Variants in IGF2BP2 observed in about 807,000 individuals in gnomAD.
IGF2BP2 encodes the protein insulin-like growth factor 2 mRNA-binding protein 2.
In IGF2BP2, 17 loss-of-function variants were observed where a neutral mutation model predicts 75.8. The observed-to-expected ratio is 0.22, with a 90% CI of 0.15 to 0.34. IGF2BP2 has a LOEUF of 0.34. Among genes scored for constraint, IGF2BP2 ranks in the 10% least tolerant of loss-of-function variants. The pLI, the probability that IGF2BP2 is intolerant of heterozygous loss-of-function variation, is 1.00. For missense variants in IGF2BP2, 516 were observed against 772.4 expected (o/e 0.67, Z 3.93); for synonymous variants, 288 against 295.6 (o/e 0.97, Z 0.26).
chr3:185,791,750 C>T (rs1184066856), intron 2 of IGF2BP2, among the ~76,000 whole-genome samples: 2 of 152,246 alleles, frequency 1.3e-5, no homozygotes, highest in African/African-American at 4.8e-5. Flanking sequence ...TAACCAGCCA[C>T]TGACTGCTTA....
chr3:185,764,948 G>A (rs1287508401), intron 2 of IGF2BP2, among the ~76,000 whole-genome samples: 1 of 152,020 alleles, frequency 6.6e-6, no homozygotes, highest in Non-Finnish European at 1.5e-5. Flanking sequence ...ACCCCCACGA[G>A]GTGTTTATTA....
chr3:185,780,182 C>T (rs1735027250), intron 2 of IGF2BP2, among the ~76,000 whole-genome samples: 1 of 151,768 alleles, frequency 6.6e-6, no homozygotes, highest in Admixed American at 6.6e-5. Flanking sequence ...TCTCTGGATA[C>T]ATATACGCAT....
At chr3:185,716,896 G>A (rs1028728474) in intron 2 of IGF2BP2, 3 of 467,786 alleles carry the variant, frequency 6.4e-6, no homozygotes, top group African/African-American at 4.0e-5. Context: ...ATCACATCCT[G>A]TTGTAACGCT....
intron 14 of IGF2BP2, among the ~76,000 whole-genome samples, chr3:185,648,244 G>A (rs930614390): frequency 4.6e-5 from 7 of 152,070 alleles, no homozygotes; most frequent in Non-Finnish European, 1.0e-4. Context: ...ATCACCTGAG[G>A]TCGGGAGTTC....
At chr3:185,771,030 C>T (rs1279617154) in intron 2 of IGF2BP2, among the ~76,000 whole-genome samples, 2 of 152,282 alleles carry the variant, frequency 1.3e-5, no homozygotes, top group African/African-American at 4.8e-5. Flanking sequence ...AAATTATAGG[C>T]ATGAGCCATG....
At chr3:185,787,499 G>A (rs1440954251) in intron 2 of IGF2BP2, among the ~76,000 whole-genome samples, 1 of 152,200 alleles carries the variant, frequency 6.6e-6, no homozygotes, top group Non-Finnish European at 1.5e-5. Context: ...TTGGGAGGCC[G>A]AGGTGGGCAG....
At chr3:185,720,413 C>T (rs1241862917) in intron 2 of IGF2BP2, among the ~76,000 whole-genome samples, 1 of 152,064 alleles carries the variant, frequency 6.6e-6, no homozygotes, top group East Asian at 1.9e-4. Flanking sequence ...GGTGCGATCT[C>T]GACTCACCAC....
At chr3:185,811,500 G>C (rs1739818495) in intron 2 of IGF2BP2, among the ~76,000 whole-genome samples, 1 of 152,136 alleles carries the variant, frequency 6.6e-6, no homozygotes, top group South Asian at 2.1e-4. Flanking sequence ...AAAAAATTTT[G>C]AATTGTTGCC....
At chr3:185,703,187 G>A (rs1723547027) in intron 2 of IGF2BP2, among the ~76,000 whole-genome samples, 1 of 152,174 alleles carries the variant, frequency 6.6e-6, no homozygotes, top group East Asian at 1.9e-4. Context: ...TAAAATATAT[G>A]TAATCCCAGC....
At chr3:185,722,387 T>G (rs1399579932) in intron 2 of IGF2BP2, 2 of 393,962 alleles carry the variant, frequency 5.1e-6, no homozygotes, top group Non-Finnish European at 1.0e-5. Flanking sequence ...CAACAAGAAC[T>G]GAATCACGCT....
At chr3:185,683,315 T>C (rs1720656894) in intron 7 of IGF2BP2, among the ~76,000 whole-genome samples, 2 of 152,184 alleles carry the variant, frequency 1.3e-5, no homozygotes. Context: ...GGTACAGAGT[T>C]CCAGATTTAC....
chr3:185,662,493 C>CA (rs796376650), intron 10 of IGF2BP2, among the ~76,000 whole-genome samples: 290 of 70,738 alleles, frequency 4.1e-3, no homozygotes, highest in Middle Eastern at 7.9e-3. Flanking sequence ...GAAAAAAAGA[C>CA]AAAAAAAAAA....
intron 4 of IGF2BP2, among the ~76,000 whole-genome samples, chr3:185,695,474 T>C (rs911825282): frequency 5.9e-5 from 9 of 152,166 alleles, no homozygotes; most frequent in African/African-American, 2.2e-4. Flanking sequence ...GTGAGGTTAT[T>C]TGACTTTTTC....
intron 2 of IGF2BP2, among the ~76,000 whole-genome samples, chr3:185,708,048 A>G (rs879666397): frequency 5.3e-5 from 8 of 152,196 alleles, no homozygotes; most frequent in Non-Finnish European, 1.2e-4. Flanking sequence ...TACTACTGAC[A>G]TTCATGGATG....
chr3:185,686,328 G>C (rs904390274), intron 7 of IGF2BP2, among the ~76,000 whole-genome samples: 2 of 151,606 alleles, frequency 1.3e-5, no homozygotes, highest in Non-Finnish European at 2.9e-5. Flanking sequence ...AGGTTGCCGT[G>C]AGACAAGATT....
chr3:185,704,584 G>C (rs1723753213), intron 2 of IGF2BP2, among the ~76,000 whole-genome samples: 1 of 152,104 alleles, frequency 6.6e-6, no homozygotes, highest in Non-Finnish European at 1.5e-5. Context: ...TGAGCAGCTG[G>C]GGCTACAGGC....
chr3:185,718,714 T>TCAGAAAC lies in IGF2BP2; in HGVS notation c.240-20374_240-20368dup, dbSNP rs1468196132. Among the ~76,000 whole-genome samples, 7 of 122,256 alleles carry TCAGAAAC rather than the reference T, an allele frequency of 5.7e-5. No homozygotes were observed. The East Asian group carries it at 1.6e-3, about 28-fold the overall frequency. The allele number at this position is 122,256 out of a possible 152,430, so 80.2% of individuals were successfully genotyped here. On this transcript the variant is annotated intron_variant, in intron 2 of 15. Coordinates refer to ENST00000382199, the MANE Select transcript of IGF2BP2 (RefSeq NM_006548.6). ...AAAAAAAAAAAAAAAAAAAAGAAAGTCAGAAACTCCCTCCTGGAACTGGCA... is the reference window on the plus strand; with the variant it reads ...AAAAAAAAAAAAAAAAAAAAGAAAGTCAGAAACCAGAAACTCCCTCCTGGAACTGGCA...
chr3:185,804,428 G>A (rs1183161980), intron 2 of IGF2BP2, among the ~76,000 whole-genome samples: 2 of 133,738 alleles, frequency 1.5e-5, no homozygotes, highest in African/African-American at 6.3e-5. Context: ...GCGAGACTTT[G>A]TCTCAAACAA....
rs562756298 is a variant in IGF2BP2, at chr3:185,681,593, C to T, written c.812+5464G>A. Among the ~76,000 whole-genome samples, 12 of 152,312 alleles carry T rather than the reference C, an allele frequency of 7.9e-5. No individual in the cohort carries two copies. In the South Asian group the frequency reaches 1.9e-3, roughly 24 times the overall value. ...AGAAATAGAAAAATTCATATGGAATCTCAAGGGACCTTGAATAGCCAAAAT... is the reference window on the plus strand; with the variant it reads ...AGAAATAGAAAAATTCATATGGAATTTCAAGGGACCTTGAATAGCCAAAAT... On this transcript the variant is annotated intron_variant, in intron 7 of 15. Coordinates refer to ENST00000382199, the MANE Select transcript of IGF2BP2 (RefSeq NM_006548.6).
Sources: allele counts gnomAD v4.1 joint callset (sites outside exome capture counted in the v4.1 genomes callset), GRCh38; gene constraint gnomAD v4.1.1; transcripts MANE v1.5; gene names NCBI Gene and HGNC (gene_info 2026-07-23, HGNC 2026-07-21).